PCDHA7: variants seen among roughly 807,000 people sequenced by gnomAD.
PCDHA7 encodes protocadherin alpha-7.
PCDHA7 carries 37 observed loss-of-function variants against 57.2 expected under a neutral mutation model. The ratio of observed to expected loss-of-function variants is 0.65; its 90% CI spans 0.50 to 0.85. The LOEUF (loss-of-function observed/expected upper bound fraction) is 0.85, where lower values mean the gene tolerates loss of function less well. Ranked by LOEUF, PCDHA7 falls within the 40% of genes least tolerant of loss-of-function variation. The pLI, the probability that PCDHA7 is intolerant of heterozygous loss-of-function variation, is 0.00. For synonymous variants in PCDHA7, 553 were observed against 558.8 expected (o/e 0.99, Z 0.15); for missense variants, 1,188 against 1,241.8 (o/e 0.96, Z 0.65).
intron 1 of PCDHA7, among the ~76,000 whole-genome samples, chr5:140,971,291 C>T (rs541777110): frequency 1.1e-4 from 17 of 152,164 alleles, no homozygotes; most frequent in Admixed American, 3.3e-4. Flanking sequence ...TTAATATGTA[C>T]TTTGGTACAC....
chr5:140,851,821 C>A, intron 1 of PCDHA7: 1 of 958,244 alleles, frequency 1.0e-6, no homozygotes, highest in Non-Finnish European at 1.3e-6. Context: ...AGACAGAAAT[C>A]TGTTTTTTTA....
chr5:140,931,111 G>A (rs1584701423), intron 1 of PCDHA7, among the ~76,000 whole-genome samples: 2 of 152,116 alleles, frequency 1.3e-5, no homozygotes, highest in East Asian at 3.8e-4. Flanking sequence ...TAATAGGTAT[G>A]CACATCATTA....
Position 140,869,285 on chromosome 5 carries a change from A to C in PCDHA7, c.2355+32547A>C, listed in dbSNP as rs201493000. The stretch of plus-strand genomic sequence containing the variant: ...GGGCTGGAGCTGGCGGAGCTGGTGC[A>C]GCGCCTGTTCCGGGTGGCGTCCAAA... On this transcript the variant is annotated intron_variant, in intron 1 of 3. Transcript: ENST00000525929. The C allele has an allele frequency of 2.9e-3, 4,695 of 1,613,540 alleles. 19 individuals carry two copies. Among genetic ancestry groups the C allele is most frequent in the African/African-American group, 9.9e-3 (743 of 75,038 alleles).
Position 140,857,690 on chromosome 5 carries a change from T to G in PCDHA7, c.2355+20952T>G, listed in dbSNP as rs184684054. On this transcript the variant is annotated intron_variant, in intron 1 of 3. Transcript: ENST00000525929. ...GGGCGTGCCGCCTCTGGGCAGCAAC[T>G]TGACGCTGCAGGTGTTCGTGCTGGA... 2.4e-3 allele frequency: 3,841 copies of G among 1,597,044 alleles called. 312 individuals are homozygous for G. In the African/African-American group the frequency reaches 0.036, roughly 15 times the overall value.
In PCDHA7 at chr5:140,961,268, T is replaced by C. The variant is rs116524101; in HGVS notation, c.2356-17681T>C. Reference sequence around the variant, plus strand: ...TATCCGAAGCTCCAGGAAGCTTCTTTTTACCATGGCTCTGTTTCTTGAGGT... The same window carrying C: ...TATCCGAAGCTCCAGGAAGCTTCTTCTTACCATGGCTCTGTTTCTTGAGGT... On this transcript the variant is annotated intron_variant, in intron 1 of 3. Coordinates refer to ENST00000525929, the MANE Select transcript of PCDHA7 (RefSeq NM_018910.3). Among the ~76,000 whole-genome samples the C allele has an allele frequency of 5.5e-3, 833 of 152,318 alleles. 9 individuals carry two copies. The highest frequency in any genetic ancestry group is 0.019 in the African/African-American group (777 of 41,562).
At chr5:140,850,202 G>A in intron 1 of PCDHA7, 3 of 1,593,648 alleles carry the variant, frequency 1.9e-6, no homozygotes, top group Non-Finnish European at 2.6e-6. Flanking sequence ...TGACACCTCG[G>A]ATGAGGGGCA....
In PCDHA7 at chr5:140,835,512, C is replaced by A. The variant is rs147252917; in HGVS notation, c.1129C>A (p.Arg377=). The change falls in exon 1 of 4, where the codon CGA becomes AGA. Residue 377 remains arginine, a synonymous_variant. Transcript: ENST00000525929. ...TVITLISVFD[R]DFGVNGQVTC... is the part of the protein sequence containing the mutation. ...CATCACATTGATTAGCGTGTTTGAC[C>A]GAGATTTTGGAGTCAACGGACAGGT... 3.1e-6 allele frequency: 5 copies of A among 1,613,916 alleles called. No individual in the cohort carries two copies. The highest frequency in any genetic ancestry group is 1.6e-4 in the Middle Eastern group (1 of 6,062).
intron 1 of PCDHA7, among the ~76,000 whole-genome samples, chr5:140,940,172 C>T (rs1177302028): frequency 6.6e-6 from 1 of 152,102 alleles, no homozygotes; most frequent in Non-Finnish European, 1.5e-5. Flanking sequence ...AAATGTCATT[C>T]TTGATAGATA....
intron 1 of PCDHA7, among the ~76,000 whole-genome samples, chr5:140,871,854 A>C (rs1271399215): frequency 6.6e-6 from 1 of 152,254 alleles, no homozygotes; most frequent in African/African-American, 2.4e-5. Context: ...TATGACCATA[A>C]TAACTATGGA....
At chr5:140,969,249 ACAG>A in intron 1 of PCDHA7, 1 of 1,614,240 alleles carries the variant, frequency 6.2e-7, no homozygotes, top group Non-Finnish European at 8.5e-7. Flanking sequence ...GCAGTGACTG[ACAG>A]CAGGAATCTC....
intron 1 of PCDHA7, chr5:140,856,832 C>A (rs2044230469): frequency 3.1e-6 from 5 of 1,590,918 alleles, no homozygotes; most frequent in Non-Finnish European, 4.3e-6. Context: ...ATTAGTAATA[C>A]GGCTCAACGC....
intron 1 of PCDHA7, among the ~76,000 whole-genome samples, chr5:140,885,230 T>G (rs2060523657): frequency 6.6e-6 from 1 of 152,166 alleles, no homozygotes; most frequent in Non-Finnish European, 1.5e-5. Flanking sequence ...GTGATTCTGC[T>G]TTCAATTTTT....
intron 1 of PCDHA7, among the ~76,000 whole-genome samples, chr5:140,917,740 C>T (rs1257665291): frequency 6.6e-6 from 1 of 152,090 alleles, no homozygotes; most frequent in Non-Finnish European, 1.5e-5. Context: ...TCTAACCTGT[C>T]CCATTGGTCT....
chr5:140,981,895 G>A (rs2153826767), intron 2 of PCDHA7, among the ~76,000 whole-genome samples: 1 of 152,252 alleles, frequency 6.6e-6, no homozygotes, highest in East Asian at 1.9e-4. Flanking sequence ...TCTGAGCGGG[G>A]ATCTGTGAGT....
At chr5:140,995,281 A>G (rs1159938577) in intron 3 of PCDHA7, among the ~76,000 whole-genome samples, 1 of 152,144 alleles carries the variant, frequency 6.6e-6, no homozygotes. Context: ...TGATACCAAA[A>G]CAGCCAGTCG....
intron 3 of PCDHA7, among the ~76,000 whole-genome samples, chr5:140,986,642 T>C (rs1213431039): frequency 6.6e-6 from 1 of 152,174 alleles, no homozygotes; most frequent in Non-Finnish European, 1.5e-5. Flanking sequence ...ACATTAGTTT[T>C]AGAGTGGGAG....
intron 1 of PCDHA7, chr5:140,866,995 A>G (rs1294829153): frequency 1.3e-5 from 2 of 152,138 alleles, no homozygotes; most frequent in Non-Finnish European, 2.9e-5. Flanking sequence ...AATGCAAAAG[A>G]TGGGTCATTG....
At chr5:140,857,620 C>G (rs782083775) in intron 1 of PCDHA7, 4 of 1,596,448 alleles carry the variant, frequency 2.5e-6, no homozygotes, top group Non-Finnish European at 3.4e-6. Context: ...CGCTGGACCA[C>G]GAGGAGCTGG....
At chr5:140,950,127 GAC>G (rs1554219301) in intron 1 of PCDHA7, among the ~76,000 whole-genome samples, 2 of 151,794 alleles carry the variant, frequency 1.3e-5, no homozygotes, top group Non-Finnish European at 2.9e-5. Context: ...AAACCCACAA[GAC>G]ACAGTTATAA....
Sources: allele counts gnomAD v4.1 joint callset (sites outside exome capture counted in the v4.1 genomes callset), GRCh38; gene constraint gnomAD v4.1.1; transcripts MANE v1.5; gene names NCBI Gene and HGNC (gene_info 2026-07-23, HGNC 2026-07-21).